RBM47: variants seen among roughly 807,000 people sequenced by gnomAD.
RBM47 encodes RNA-binding protein 47.
In RBM47, 21 loss-of-function variants were observed where a neutral mutation model predicts 47.1. The ratio of observed to expected loss-of-function variants is 0.45; its 90% CI spans 0.32 to 0.64. The LOEUF is 0.64. RBM47 is among the 30% of genes least tolerant of loss of function. The pLI is 0.05. For synonymous variants in RBM47, 375 were observed against 361.7 expected (o/e 1.04, Z -0.42); for missense variants, 708 against 870.9 (o/e 0.81, Z 2.35).
intron 1 of RBM47, among the ~76,000 whole-genome samples, chr4:40,591,192 G>A (rs1242721229): frequency 6.6e-6 from 1 of 152,126 alleles, no homozygotes; most frequent in Non-Finnish European, 1.5e-5. Context: ...GGGGGAAGGT[G>A]GGATGAGGAG....
intron 2 of RBM47, among the ~76,000 whole-genome samples, chr4:40,477,944 C>A (rs1434734756): frequency 6.6e-6 from 1 of 151,372 alleles, no homozygotes; most frequent in South Asian, 2.1e-4. Flanking sequence ...TACTACACAG[C>A]CCTCTGTATA....
intron 1 of RBM47, among the ~76,000 whole-genome samples, chr4:40,551,130 T>G (rs1178755386): frequency 6.6e-6 from 1 of 152,128 alleles, no homozygotes; most frequent in Non-Finnish European, 1.5e-5. Flanking sequence ...TCAAGGTAAC[T>G]GAGAGTGAAT....
At chr4:40,464,376 C>G (rs1034484017) in intron 3 of RBM47, among the ~76,000 whole-genome samples, 3 of 152,038 alleles carry the variant, frequency 2.0e-5, no homozygotes, top group Non-Finnish European at 2.9e-5. Context: ...ATAATACATA[C>G]CTATGATTAA....
intron 1 of RBM47, among the ~76,000 whole-genome samples, chr4:40,574,171 C>G (rs572484253): frequency 6.6e-6 from 1 of 152,120 alleles, no homozygotes; most frequent in Non-Finnish European, 1.5e-5. Flanking sequence ...ATTAGACTTC[C>G]GAGATCTAAA....
In RBM47 at chr4:40,424,755, T is replaced by A. The variant is rs1457207915; in HGVS notation, c.*1149A>T. 1 of 152,112 alleles carries A rather than the reference T, an allele frequency of 6.6e-6. No individual in the cohort carries two copies. The highest frequency in any genetic ancestry group is 2.4e-5 in the African/African-American group (1 of 41,428). The allele number at this position is 152,112 out of a possible 1,614,324, so 9.4% of individuals were successfully genotyped here. On this transcript the variant is annotated 3_prime_UTR_variant, in exon 7 of 7. Transcript: ENST00000295971. ...GGTAAGGCAACTAGAAGCATAACTT[T>A]CTGCTGAAAAGAGTCTCTGGGGGTC...
At chr4:40,621,959 G>A (rs969202058) in intron 1 of RBM47, among the ~76,000 whole-genome samples, 2 of 152,244 alleles carry the variant, frequency 1.3e-5, no homozygotes, top group Non-Finnish European at 1.5e-5. Context: ...CCTCCTGGGA[G>A]AGGTCTGGGA....
At chr4:40,559,899 A>G (rs1730445865) in intron 1 of RBM47, among the ~76,000 whole-genome samples, 1 of 152,218 alleles carries the variant, frequency 6.6e-6, no homozygotes, top group South Asian at 2.1e-4. Flanking sequence ...AAATCTGTAC[A>G]TTACAAGCCA....
chr4:40,554,011 C>A (rs1009746326), intron 1 of RBM47, among the ~76,000 whole-genome samples: 5 of 152,096 alleles, frequency 3.3e-5, no homozygotes, highest in Non-Finnish European at 7.4e-5. Context: ...TCTCCAAGCT[C>A]ACATAGAAAT....
rs540788362 is a variant in RBM47, at chr4:40,471,693, CA to C, written c.-154-4995del. 4.8e-3 allele frequency among the ~76,000 whole-genome samples: 510 copies of C among 106,686 alleles called. 1 individual carries two copies. Among genetic ancestry groups the C allele is most frequent in the African/African-American group, 8.5e-3 (237 of 27,760 alleles). 70.0% of individuals were successfully genotyped at this position (106,686 alleles called of 152,430 possible). ...GGGTGACAAGAGCAAAACTCCACCT[CA>C]AAAAAAAAAAAAAAGGAAGCGTTTT... On this transcript the variant is annotated intron_variant, in intron 2 of 6. Coordinates refer to ENST00000295971, the MANE Select transcript of RBM47 (RefSeq NM_001098634.2).
At chr4:40,500,236 C>T (rs779719187) in intron 2 of RBM47, among the ~76,000 whole-genome samples, 2 of 151,930 alleles carry the variant, frequency 1.3e-5, no homozygotes, top group Non-Finnish European at 2.9e-5. Context: ...TCACTTGAAC[C>T]CTGGAGGTGG....
chr4:40,522,967 CTTT>C lies in RBM47; in HGVS notation c.-155+21452_-155+21454del, dbSNP rs529306760. On this transcript the variant is annotated intron_variant, in intron 2 of 6. Coordinates refer to ENST00000295971, the MANE Select transcript of RBM47 (RefSeq NM_001098634.2). The stretch of plus-strand genomic sequence containing the variant: ...AAAGCACTTTGCATTTCTCAAAAAT[CTTT>C]TTTTTTTTTTTTTTTTTTACACAGA... 4.8e-3 allele frequency among the ~76,000 whole-genome samples: 566 copies of C among 116,852 alleles called. 2 individuals carry two copies. The highest frequency in any genetic ancestry group is 0.023 in the South Asian group (80 of 3,494). 76.7% of individuals were successfully genotyped at this position (116,852 alleles called of 152,430 possible). A position where few individuals can be genotyped will look rare whatever the true frequency, so the allele number is the denominator to read the frequency against.
chr4:40,625,701 G>A (rs1411943087), intron 1 of RBM47, among the ~76,000 whole-genome samples: 1 of 152,124 alleles, frequency 6.6e-6, no homozygotes, highest in Non-Finnish European at 1.5e-5. Flanking sequence ...TGTGGTCTTC[G>A]TGCAGGGCCA....
At chr4:40,600,985 C>CAAAAAAAAAAAAAAAAAAAAAAAAAAAAA (rs56054491) in intron 1 of RBM47, among the ~76,000 whole-genome samples, 16 of 50,112 alleles carry the variant, frequency 3.2e-4, no homozygotes, top group Non-Finnish European at 3.8e-4. Context: ...AACTCCGTCT[C>CAAAAAAAAAAAAAAAAAAAAAAAAAAAAA]AAAAAAAAAA....
chr4:40,551,649 C>CT (rs59601849), intron 1 of RBM47, among the ~76,000 whole-genome samples: 24,330 of 134,594 alleles, frequency 0.18, 2,482 homozygotes, highest in African/African-American at 0.26. Flanking sequence ...GCGTACTTTT[C>CT]TTTTTTTTTT....
chr4:40,425,825 A>C lies in RBM47; in HGVS notation c.*79T>G, dbSNP rs1269082937. Reference sequence around the variant, plus strand: ...ACTTTCAGGTTGCATGTGTGAATCCAACATGTTCCTTCTTCATAAATAGTC... The same window carrying C: ...ACTTTCAGGTTGCATGTGTGAATCCCACATGTTCCTTCTTCATAAATAGTC... On this transcript the variant is annotated 3_prime_UTR_variant, in exon 7 of 7. Coordinates refer to ENST00000295971, the MANE Select transcript of RBM47 (RefSeq NM_001098634.2). 21 of 1,534,948 alleles carry C rather than the reference A, an allele frequency of 1.4e-5. No homozygotes were observed. The highest frequency in any genetic ancestry group is 1.5e-5 in the Non-Finnish European group (17 of 1,128,786).
At chr4:40,534,673 G>T (rs999035447) in intron 2 of RBM47, among the ~76,000 whole-genome samples, 4 of 152,050 alleles carry the variant, frequency 2.6e-5, no homozygotes, top group Non-Finnish European at 5.9e-5. Context: ...GGTGGCTCAC[G>T]CCTGTAATCC....
At chr4:40,479,680 T>C (rs1720110273) in intron 2 of RBM47, among the ~76,000 whole-genome samples, 1 of 152,084 alleles carries the variant, frequency 6.6e-6, no homozygotes, top group South Asian at 2.1e-4. Context: ...TTACTCATTT[T>C]TGTTTTGTGA....
At chr4:40,626,432 C>T (rs928130389) in intron 1 of RBM47, among the ~76,000 whole-genome samples, 1 of 152,204 alleles carries the variant, frequency 6.6e-6, no homozygotes, top group African/African-American at 2.4e-5. Context: ...AGAGGAGGAG[C>T]CTCCACTTCC....
intron 2 of RBM47, among the ~76,000 whole-genome samples, chr4:40,515,149 C>T (rs1208067732): frequency 2.0e-5 from 3 of 152,212 alleles, no homozygotes; most frequent in African/African-American, 7.2e-5. Flanking sequence ...AGAAGTTTTG[C>T]ATTCCATTCA....
Sources: gnomAD v4.1 joint callset for allele counts (sites outside exome capture counted in the v4.1 genomes callset) on GRCh38, gnomAD v4.1.1 for gene constraint, MANE v1.5 for transcripts, NCBI Gene and HGNC (gene_info 2026-07-23, HGNC 2026-07-21) for gene names.